BNC2: variants seen among roughly 807,000 people sequenced by gnomAD.
The protein encoded by BNC2 is basonuclin zinc finger protein 2, also known as zinc finger protein basonuclin-2.
A neutral mutation model predicts 76.3 loss-of-function variants in BNC2; 20 were observed. The ratio of observed to expected loss-of-function variants is 0.26; its 90% CI spans 0.18 to 0.38. The LOEUF (loss-of-function observed/expected upper bound fraction) is 0.38. BNC2 is among the 10% of genes least tolerant of loss of function. The probability of loss-of-function intolerance (pLI) is 1.00; values close to 1 mark genes in which losing one functional copy is unlikely to be tolerated. For synonymous variants in BNC2, 582 were observed against 514.8 expected (o/e 1.13, Z -1.77); for missense variants, 1,382 against 1,399.8 (o/e 0.99, Z 0.20).
chr9:16,605,502 C>T (rs570677019), intron 3 of BNC2, among the ~76,000 whole-genome samples: 15 of 152,328 alleles, frequency 9.8e-5, no homozygotes, highest in African/African-American at 3.6e-4. Flanking sequence ...CTCTAAACCA[C>T]TATGCTTTAC....
At chr9:16,659,660 A>G (rs928499180) in intron 3 of BNC2, among the ~76,000 whole-genome samples, 1 of 150,242 alleles carries the variant, frequency 6.7e-6, no homozygotes, top group East Asian at 2.0e-4. Flanking sequence ...GGTCTTTGTC[A>G]TTGTTGTTCT....
chr9:16,809,613 T>A (rs931709981), intron 1 of BNC2, among the ~76,000 whole-genome samples: 3 of 152,006 alleles, frequency 2.0e-5, no homozygotes, highest in African/African-American at 4.8e-5. Context: ...CCGAATGCGT[T>A]GTAATGTACT....
chr9:16,492,827 A>G (rs959878717), intron 5 of BNC2, among the ~76,000 whole-genome samples: 8 of 151,236 alleles, frequency 5.3e-5, no homozygotes, highest in African/African-American at 1.9e-4. Flanking sequence ...TAAAATCTTT[A>G]TGGGTAATCT....
At position 16,647,527 on chromosome 9, in the gene BNC2, T is replaced by C. The variant is rs750135582; in HGVS notation, c.331-64442A>G. The stretch of plus-strand genomic sequence containing the variant: ...ATAGAATGCAGAGAGAGTTTTTCTA[T>C]TACACAATCATTTTTCCCCTAGGGT... On this transcript the variant is annotated intron_variant, in intron 3 of 6. Transcript: ENST00000380672. 3.9e-5 allele frequency among the ~76,000 whole-genome samples: 6 copies of C among 152,242 alleles called. No homozygotes were observed. In the East Asian group the frequency reaches 7.7e-4, roughly 20 times the overall value.
chr9:16,555,379 G>C (rs1290613397), intron 4 of BNC2, among the ~76,000 whole-genome samples: 21 of 152,086 alleles, frequency 1.4e-4, no homozygotes, highest in Non-Finnish European at 1.5e-5. Context: ...CAGAAGAAAA[G>C]AGAATTAAAA....
At chr9:16,554,113 A>G (rs1818748343) in intron 4 of BNC2, among the ~76,000 whole-genome samples, 1 of 152,202 alleles carries the variant, frequency 6.6e-6, no homozygotes, top group Non-Finnish European at 1.5e-5. Flanking sequence ...CAAATTCTAA[A>G]CTACAGTGTG....
chr9:16,752,615 GA>G (rs1270039507), intron 1 of BNC2, among the ~76,000 whole-genome samples: 1 of 99,840 alleles, frequency 1.0e-5, no homozygotes, highest in Admixed American at 9.2e-5. Context: ...CAAATTGCTA[GA>G]TTTTTTTAAT....
intron 3 of BNC2, among the ~76,000 whole-genome samples, chr9:16,652,736 C>A (rs551012970): frequency 9.2e-5 from 14 of 152,212 alleles, no homozygotes; most frequent in Non-Finnish European, 1.6e-4. Context: ...ATGGACAGCT[C>A]AATCTTATGG....
At chr9:16,771,627 T>G (rs1825835722) in intron 1 of BNC2, among the ~76,000 whole-genome samples, 1 of 152,252 alleles carries the variant, frequency 6.6e-6, no homozygotes, top group South Asian at 2.1e-4. Context: ...CAGCAATACA[T>G]GAACTATAAT....
intron 1 of BNC2, among the ~76,000 whole-genome samples, chr9:16,834,776 C>T (rs773557988): frequency 6.6e-6 from 1 of 152,124 alleles, no homozygotes; most frequent in Non-Finnish European, 1.5e-5. Context: ...ATAGTAAGCA[C>T]TCAACAAAGA....
intron 3 of BNC2, among the ~76,000 whole-genome samples, chr9:16,701,812 G>C (rs923235992): frequency 2.0e-5 from 3 of 151,724 alleles, no homozygotes; most frequent in African/African-American, 7.3e-5. Flanking sequence ...CGTGGTGGCA[G>C]GCACCTGTAA....
intron 3 of BNC2, 191 bp downstream of exon 3, chr9:16,727,600 TAAGACG>T: frequency 1.0e-5 from 6 of 582,672 alleles, no homozygotes; most frequent in South Asian, 2.3e-5. Flanking sequence ...CTTTTTCTTT[TAAGACG>T]CCCTTAGGGA....
chr9:16,848,162 A>G (rs1036296794), intron 1 of BNC2, among the ~76,000 whole-genome samples: 4 of 152,328 alleles, frequency 2.6e-5, no homozygotes, highest in African/African-American at 9.6e-5. Flanking sequence ...TGCTGAGAAA[A>G]TTAACCTAAA....
chr9:16,494,885 T>C (rs1474005426), intron 5 of BNC2, among the ~76,000 whole-genome samples: 1 of 152,108 alleles, frequency 6.6e-6, no homozygotes, highest in African/African-American at 2.4e-5. Flanking sequence ...ATGTAAATGA[T>C]GAGTTGATGG....
chr9:16,607,336 A>G lies in BNC2; in HGVS notation c.331-24251T>C, dbSNP rs542706785. On this transcript the variant is annotated intron_variant, in intron 3 of 6. Transcript: ENST00000380672. ...GACAACAAGGAGAGACGGAGAAAAT[A>G]ATTAGGGAATGTAGAAAAAAAGGGG... Among the ~76,000 whole-genome samples the G allele has an allele frequency of 6.6e-5, 10 of 152,230 alleles. No individual in the cohort carries two copies. In the South Asian group the frequency reaches 1.9e-3, roughly 28 times the overall value.
At chr9:16,732,815 C>G (rs754477115) in intron 2 of BNC2, among the ~76,000 whole-genome samples, 2 of 152,182 alleles carry the variant, frequency 1.3e-5, no homozygotes, top group Admixed American at 1.3e-4. Context: ...CGCTCCACAT[C>G]GCATGACAAT....
intron 1 of BNC2, among the ~76,000 whole-genome samples, chr9:16,784,386 G>C (rs1826226606): frequency 2.0e-5 from 3 of 152,174 alleles, no homozygotes; most frequent in Admixed American, 1.3e-4. Context: ...TCTAAATCTA[G>C]TTTGGAGCGC....
chr9:16,468,524 T>C (rs1174489940), intron 5 of BNC2, among the ~76,000 whole-genome samples: 2 of 152,068 alleles, frequency 1.3e-5, no homozygotes, highest in South Asian at 2.1e-4. Context: ...GCCTCCCGAA[T>C]AGCTGGGACT....
In BNC2 at chr9:16,840,791, T is replaced by G. The variant is rs1360126237; in HGVS notation, c.3+29855A>C. Among the ~76,000 whole-genome samples the G allele has an allele frequency of 2.0e-5, 3 of 152,334 alleles. No individual in the cohort carries two copies. The South Asian group carries it at 6.2e-4, about 32-fold the overall frequency. On this transcript the variant is annotated intron_variant, in intron 1 of 6. Transcript: ENST00000380672. ...TTATTTCAGCAGTTCTAATGTCAAATGAGCCTACAACTGCTCATCAGAGAA... is the reference window on the plus strand; with the variant it reads ...TTATTTCAGCAGTTCTAATGTCAAAGGAGCCTACAACTGCTCATCAGAGAA...
Sources: allele counts gnomAD v4.1 joint callset (sites outside exome capture counted in the v4.1 genomes callset), GRCh38; gene constraint gnomAD v4.1.1; transcripts MANE v1.5; gene names NCBI Gene and HGNC (gene_info 2026-07-23, HGNC 2026-07-21).